The following CD79A variants were observed in gnomAD, a reference collection of about 807,000 sequenced individuals.
The protein encoded by CD79A is CD79a molecule, also known as B-cell antigen receptor complex-associated protein alpha chain.
In CD79A, 16 loss-of-function variants were observed where a neutral mutation model predicts 27.4. The ratio of observed to expected loss-of-function variants is 0.58; its 90% CI spans 0.40 to 0.89. CD79A has a LOEUF of 0.89. Among genes scored for constraint, CD79A ranks in the 40% least tolerant of loss-of-function variants. The pLI is 0.00. For synonymous variants in CD79A, 110 were observed against 132.7 expected (o/e 0.83, Z 1.18); for missense variants, 237 against 299.7 (o/e 0.79, Z 1.55).
In CD79A at chr19:41,879,135, G is replaced by A. The variant is rs1487166711; in HGVS notation, c.225G>A (p.Thr75=). The change falls in exon 2 of 5, where the codon ACG becomes ACA. Residue 75 remains threonine, a synonymous_variant. Transcript: ENST00000221972. The surrounding 1 kb of genome is among the most constrained non-coding windows in gnomAD (Gnocchi z 5.1). ...GGCGCGTCCTCCATGGCAACTACAC[G>A]TGGCCCCCTGAGTTCTTGGGCCCGG... ...TWWRVLHGNY[T]WPPEFLGPGE... 116 of 1,613,994 alleles carry A rather than the reference G, an allele frequency of 7.2e-5. No individual in the cohort carries two copies. The highest frequency in any genetic ancestry group is 9.2e-5 in the Non-Finnish European group (109 of 1,180,036).
Position 41,877,387 on chromosome 19 carries a change from T to A in CD79A, c.79+4T>A. ...CTGCTGTCTGCTGTCTACCTGGGTA[T>A]GTGGCCAAAGGGCAGGAACTGGCGG... is the stretch of plus-strand genomic sequence containing the variant. On this transcript the variant is annotated splice_donor_region_variant and intron_variant, in intron 1 of 4. Transcript: ENST00000221972. The surrounding 1 kb of genome is among the most constrained non-coding windows in gnomAD (Gnocchi z 4.1). The A allele has an allele frequency of 6.2e-7, 1 of 1,613,518 alleles. No homozygotes were observed. Among genetic ancestry groups the A allele is most frequent in the Non-Finnish European group, 8.5e-7 (1 of 1,179,496 alleles).
intron 3 of CD79A, 25 bp from the exon 4 acceptor site, chr19:41,880,645 G>GCTGGCCC: frequency 2.6e-6 from 3 of 1,134,296 alleles, no homozygotes; most frequent in Non-Finnish European, 3.9e-6. Flanking sequence ...GCTCACTGAG[G>GCTGGCCC]CACCCACCCC....
In CD79A at chr19:41,880,930, C is replaced by A. The variant is rs1555844144; in HGVS notation, c.631C>A (p.Gln211Lys). The change falls in exon 5 of 5, where the codon CAG (glutamine) becomes AAG (lysine). Residue 211 changes from glutamine (Q) to lysine (K), a missense_variant. Physicochemically the swap from Gln to Lys is moderately conservative, Grantham distance 53 (BLOSUM62 1). Transcript: ENST00000221972. ...CTCCCGGGGCCTCCAGGGCACCTAC[C>A]AGGATGTGGGCAGCCTCAACATAGG... ...DISRGLQGTY[Q>K]DVGSLNIGDV... The A allele has an allele frequency of 6.2e-7, 1 of 1,602,318 alleles. No individual in the cohort carries two copies. Among genetic ancestry groups the A allele is most frequent in the Non-Finnish European group, 8.5e-7 (1 of 1,175,446 alleles).
In CD79A at chr19:41,879,642, C is replaced by A; in HGVS notation, c.487C>A (p.Leu163Met). The change falls in exon 3 of 5, where the codon CTG becomes ATG. Residue 163 changes from leucine to methionine, a missense_variant. Coordinates refer to ENST00000221972, the MANE Select transcript of CD79A (RefSeq NM_001783.4). This position sits in a 1 kb window ranked among gnomAD's most constrained non-coding sequence, Gnocchi z 5.1. ...LFCAVVPGTL[L>M]LFRKRWQNEK... ...CTGCGCGGTGGTGCCTGGGACGCTG[C>A]TGCTGTTCAGGGTGAGCCCCCTCGG... 6.2e-7 allele frequency: 1 copy of A among 1,608,552 alleles called. No individual in the cohort carries two copies. Among genetic ancestry groups the A allele is most frequent in the Non-Finnish European group, 8.5e-7 (1 of 1,176,162 alleles).
Position 41,879,360 on chromosome 19 carries a change from G to C in CD79A, c.379+71G>C. On this transcript the variant is annotated intron_variant, in intron 2 of 4. Transcript: ENST00000221972. This position sits in a 1 kb window ranked among gnomAD's most constrained non-coding sequence, Gnocchi z 5.1. ...ACACTCGGTTTATCTTTGAAGTGGG[G>C]ATAGAGCCAGTACCTTCAATGTGGG... 6.9e-7 allele frequency: 1 copy of C among 1,455,586 alleles called. No individual in the cohort carries two copies. Among genetic ancestry groups the C allele is most frequent in the Non-Finnish European group, 9.4e-7 (1 of 1,060,430 alleles). The allele number at this position is 1,455,586 out of a possible 1,614,324, so 90.2% of individuals were successfully genotyped here.
intron 3 of CD79A, among the ~76,000 whole-genome samples, chr19:41,880,455 A>AGGGAG (rs1409047534): frequency 4.0e-5 from 2 of 50,128 alleles, no homozygotes; most frequent in Non-Finnish European, 7.6e-5. Context: ...AGGGAAGGGA[A>AGGGAG]GGAAGGAAGG....
In CD79A at chr19:41,879,328, G is replaced by A. The variant is rs114130534; in HGVS notation, c.379+39G>A. 2.2e-5 allele frequency: 35 copies of A among 1,574,686 alleles called. No individual in the cohort carries two copies. The highest frequency in any genetic ancestry group is 6.8e-5 in the East Asian group (3 of 44,382). On this transcript the variant is annotated intron_variant, in intron 2 of 4. Coordinates refer to ENST00000221972, the MANE Select transcript of CD79A (RefSeq NM_001783.4). This position sits in a 1 kb window ranked among gnomAD's most constrained non-coding sequence, Gnocchi z 5.1. ...CCCTGGCCCCTACTCCCACTGTCCC[G>A]CTGGGGACACTCGGTTTATCTTTGA...
intron 3 of CD79A, among the ~76,000 whole-genome samples, chr19:41,880,450 A>C (rs2074215385): frequency 2.9e-5 from 2 of 69,400 alleles, no homozygotes; most frequent in East Asian, 5.2e-4. Context: ...AAGGAAGGGA[A>C]GGGAAGGAAG....
At chr19:41,880,375 AAGAGAGAGAG>A (rs1277491929) in intron 3 of CD79A, among the ~76,000 whole-genome samples, 1 of 141,884 alleles carries the variant, frequency 7.0e-6, no homozygotes. Flanking sequence ...AGGGAGAAGA[AAGAGAGAGAG>A]AGAGAAAGAG....
chr19:41,881,034 C>A lies in CD79A; in HGVS notation c.*54C>A. 1 of 1,017,256 alleles carries A rather than the reference C, an allele frequency of 9.8e-7. No homozygotes were observed. The highest frequency in any genetic ancestry group is 1.5e-6 in the Non-Finnish European group (1 of 669,908). 63.0% of individuals were successfully genotyped at this position (1,017,256 alleles called of 1,614,324 possible). ...CCTGCTGTGCACCCAGCTCCAGTGT[C>A]TCAGCTCACTTCCCTGGGACATTCT... On this transcript the variant is annotated 3_prime_UTR_variant, in exon 5 of 5. Transcript: ENST00000221972.
rs1394537427 is a variant in CD79A at position 41,878,223 on chromosome 19, C to T, written c.80-767C>T. On this transcript the variant is annotated intron_variant, in intron 1 of 4. Transcript: ENST00000221972. This position sits in a 1 kb window ranked among gnomAD's most constrained non-coding sequence, Gnocchi z 4.3. The stretch of plus-strand genomic sequence containing the variant: ...CAGCCCAGCCCAAGGACTGAACTCA[C>T]CCCTGACCCCTAGGTTGACACATAC... Among the ~76,000 whole-genome samples the T allele has an allele frequency of 1.3e-5, 2 of 152,196 alleles. No homozygotes were observed. The highest frequency in any genetic ancestry group is 2.9e-5 in the Non-Finnish European group (2 of 68,036).
At position 41,879,615 on chromosome 19, in the gene CD79A, T is replaced by C. The variant is rs782653837; in HGVS notation, c.460T>C (p.Phe154Leu). 1 of 1,612,090 alleles carries C rather than the reference T, an allele frequency of 6.2e-7. No individual in the cohort carries two copies. Among genetic ancestry groups the C allele is most frequent in the Admixed American group, 1.7e-5 (1 of 59,840 alleles). The part of the protein sequence containing the change: ...IITAEGIILL[F>L]CAVVPGTLLL... ...CACAGCCGAGGGGATCATCCTCCTGTTCTGCGCGGTGGTGCCTGGGACGCT... is the reference window on the plus strand; with the variant it reads ...CACAGCCGAGGGGATCATCCTCCTGCTCTGCGCGGTGGTGCCTGGGACGCT... Residue 154 changes from phenylalanine to leucine, a missense_variant, in exon 3 of 5, where the codon TTC (phenylalanine) becomes CTC (leucine). Physicochemically the swap from Phe to Leu is conservative, Grantham distance 22. Transcript: ENST00000221972. The surrounding 1 kb of genome is among the most constrained non-coding windows in gnomAD (Gnocchi z 5.1).
rs1399539108 is a variant in CD79A, at chr19:41,878,565, C to G, written c.80-425C>G. Among the ~76,000 whole-genome samples the G allele has an allele frequency of 6.6e-6, 1 of 152,162 alleles. No individual in the cohort carries two copies. Among genetic ancestry groups the G allele is most frequent in the Non-Finnish European group, 1.5e-5 (1 of 68,030 alleles). On this transcript the variant is annotated intron_variant, in intron 1 of 4. Coordinates refer to ENST00000221972, the MANE Select transcript of CD79A (RefSeq NM_001783.4). This position sits in a 1 kb window ranked among gnomAD's most constrained non-coding sequence, Gnocchi z 4.3. ...GCTGCGGGAGGAGGGGACGCCTGCA[C>G]TGCTTCTGGAAGGAGCTGTCTGGAC... is the stretch of plus-strand genomic sequence containing the variant.
Position 41,880,705 on chromosome 19 carries a change from C to A in CD79A, c.534C>A (p.Ala178=). ...AGAACGAGAAGCTCGGGTTGGATGC[C>A]GGGGATGAATATGAAGATGAAAACC... The part of the protein sequence containing the change: ...RWQNEKLGLD[A]GDEYEDENLY... The change falls in exon 4 of 5, where the codon GCC becomes GCA. Residue 178 remains alanine, a synonymous_variant. Coordinates refer to ENST00000221972, the MANE Select transcript of CD79A (RefSeq NM_001783.4). 7.7e-7 allele frequency: 1 copy of A among 1,295,018 alleles called. No individual in the cohort carries two copies. 80.2% of individuals were successfully genotyped at this position (1,295,018 alleles called of 1,614,324 possible). A position where few individuals can be genotyped will look rare whatever the true frequency, so the allele number is the denominator to read the frequency against.
At position 41,880,845 on chromosome 19, in the gene CD79A, C is replaced by T. The variant is rs372199555; in HGVS notation, c.568-22C>T. The T allele has an allele frequency of 8.9e-6, 14 of 1,568,318 alleles. No individual in the cohort carries two copies. The African/African-American group carries it at 1.1e-4, about 12-fold the overall frequency. ...CCCCAGGTGTCAGGGTGCTGATGTTCGCTGCCTCATTTCCATCCCAGGGCC... is the reference window on the plus strand; with the variant it reads ...CCCCAGGTGTCAGGGTGCTGATGTTTGCTGCCTCATTTCCATCCCAGGGCC... On this transcript the variant is annotated intron_variant, in intron 4 of 4. Transcript: ENST00000221972.
Position 41,878,964 on chromosome 19 carries a change from G to A in CD79A, c.80-26G>A. 3.6e-6 allele frequency: 4 copies of A among 1,104,326 alleles called. No homozygotes were observed. Among genetic ancestry groups the A allele is most frequent in the Non-Finnish European group, 4.1e-6 (3 of 735,272 alleles). 68.4% of individuals were successfully genotyped at this position (1,104,326 alleles called of 1,614,324 possible). On this transcript the variant is annotated intron_variant, in intron 1 of 4. Coordinates refer to ENST00000221972, the MANE Select transcript of CD79A (RefSeq NM_001783.4). The surrounding 1 kb of genome is among the most constrained non-coding windows in gnomAD (Gnocchi z 4.3). ...AAATGTGTCACCATCCCCAGTCCCT[G>A]ACCCACCCACCCTGTCTCTCCACAG...
Position 41,880,694 on chromosome 19 carries a change from G to C in CD79A, c.523G>C (p.Gly175Arg), listed in dbSNP as rs1016097078. The change falls in exon 4 of 5, where the codon GGG becomes CGG. Residue 175 changes from glycine (G) to arginine (R), a missense_variant. Transcript: ENST00000221972. Reference protein sequence around the residue: ...FRKRWQNEKLGLDAGDEYEDE... With the variant: ...FRKRWQNEKLRLDAGDEYEDE... ...GAAACGATGGCAGAACGAGAAGCTCGGGTTGGATGCCGGGGATGAATATGA... is the reference window on the plus strand; with the variant it reads ...GAAACGATGGCAGAACGAGAAGCTCCGGTTGGATGCCGGGGATGAATATGA... The C allele has an allele frequency of 2.2e-6, 3 of 1,380,634 alleles. No individual in the cohort carries two copies. Among genetic ancestry groups the C allele is most frequent in the Non-Finnish European group, 2.9e-6 (3 of 1,039,130 alleles). The allele number at this position is 1,380,634 out of a possible 1,614,324, so 85.5% of individuals were successfully genotyped here. A position where few individuals can be genotyped will look rare whatever the true frequency, so the allele number is the denominator to read the frequency against.
chr19:41,879,253 T>C lies in CD79A; in HGVS notation c.343T>C (p.Tyr115His). The C allele has an allele frequency of 6.2e-7, 1 of 1,613,426 alleles. No homozygotes were observed. Among genetic ancestry groups the C allele is most frequent in the Middle Eastern group, 1.6e-4 (1 of 6,062 alleles). Reference sequence around the variant, plus strand: ...CCGGGTCCAGGAGGGCAACGAGTCATACCAGCAGTCCTGCGGCACCTACCT... The same window carrying C: ...CCGGGTCCAGGAGGGCAACGAGTCACACCAGCAGTCCTGCGGCACCTACCT... ...VCRVQEGNES[Y>H]QQSCGTYLRV... Residue 115 changes from tyrosine to histidine, a missense_variant, in exon 2 of 5, where the codon TAC becomes CAC. Tyr to His is a moderately conservative substitution (Grantham distance 83, BLOSUM62 2). Coordinates refer to ENST00000221972, the MANE Select transcript of CD79A (RefSeq NM_001783.4). This position sits in a 1 kb window ranked among gnomAD's most constrained non-coding sequence, Gnocchi z 5.1.
rs782251441 is a variant in CD79A at position 41,879,384 on chromosome 19, G to A, written c.379+95G>A. ...GGATAGAGCCAGTACCTTCAATGTG[G>A]GTTTCAAACCGGCTTGGACAGAGGG... is the stretch of plus-strand genomic sequence containing the variant. On this transcript the variant is annotated intron_variant, in intron 2 of 4. Coordinates refer to ENST00000221972, the MANE Select transcript of CD79A (RefSeq NM_001783.4). This position sits in a 1 kb window ranked among gnomAD's most constrained non-coding sequence, Gnocchi z 5.1. The A allele has an allele frequency of 3.0e-6, 4 of 1,344,662 alleles. No individual in the cohort carries two copies. Among genetic ancestry groups the A allele is most frequent in the African/African-American group, 2.9e-5 (2 of 69,476 alleles). 83.3% of individuals were successfully genotyped at this position (1,344,662 alleles called of 1,614,324 possible). A position where few individuals can be genotyped will look rare whatever the true frequency, so the allele number is the denominator to read the frequency against.
Sources: allele counts gnomAD v4.1 joint callset (sites outside exome capture counted in the v4.1 genomes callset), GRCh38; gene constraint gnomAD v4.1.1; non-coding constraint Gnocchi (gnomAD v3.1); transcripts MANE v1.5; gene names NCBI Gene and HGNC (gene_info 2026-07-23, HGNC 2026-07-21).